TIMM50: variants seen among roughly 807,000 people sequenced by gnomAD.
The protein encoded by TIMM50 is mitochondrial import inner membrane translocase subunit TIM50.
Under a neutral mutation model 49.6 loss-of-function variants are expected in TIMM50, and 34 were observed. That is an observed-to-expected ratio of 0.69 (90% confidence interval 0.52 to 0.91). The LOEUF (loss-of-function observed/expected upper bound fraction) is 0.91, where lower values mean the gene tolerates loss of function less well. TIMM50 is among the 40% of genes least tolerant of loss of function. The pLI, the probability that TIMM50 is intolerant of heterozygous loss-of-function variation, is 0.00. For missense variants in TIMM50, 458 were observed against 477.8 expected (o/e 0.96, Z 0.39); for synonymous variants, 199 against 198.4 (o/e 1.00, Z -0.03).
At chr19:39,485,127 T>A (rs987615091) in intron 4 of TIMM50, 3 of 176,936 alleles carry the variant, frequency 1.7e-5, no homozygotes, top group Non-Finnish European at 2.4e-5. Flanking sequence ...CGGCTAATTT[T>A]TTTTTTTTTT....
intron 8 of TIMM50, 103 bp from the exon 9 acceptor site, chr19:39,487,958 A>T: frequency 6.8e-7 from 1 of 1,460,222 alleles, no homozygotes. Context: ...TGATCCCAGT[A>T]TGTGTGATGC....
intron 2 of TIMM50, 29 bp from the exon 3 acceptor site, chr19:39,482,856 C>T (rs778548867): frequency 6.2e-7 from 1 of 1,613,990 alleles, no homozygotes; most frequent in South Asian, 1.1e-5. Context: ...GGCCCTAATT[C>T]CTCATATTCA....
chr19:39,482,840 G>A, intron 2 of TIMM50, 45 bp from the exon 3 acceptor site: 1 of 1,613,568 alleles, frequency 6.2e-7, no homozygotes, highest in Non-Finnish European at 8.5e-7. Context: ...GGGACCCAGG[G>A]GACTGGGCCC....
rs1600746914 is a variant in TIMM50, at chr19:39,492,941, C to T, written c.*3121C>T. ...TATCTCCCTCGCCCTGCCTCCATCC[C>T]CACATTGCCCCCCACTATCCCAGTC... On this transcript the variant is annotated 3_prime_UTR_variant, in exon 11 of 11. Coordinates refer to ENST00000607714, the MANE Select transcript of TIMM50 (RefSeq NM_001001563.5). 2 of 151,404 alleles carry T rather than the reference C, an allele frequency of 1.3e-5. No individual in the cohort carries two copies. The highest frequency in any genetic ancestry group is 1.3e-4 in the Admixed American group (2 of 15,158). The allele number at this position is 151,404 out of a possible 1,614,324, so 9.4% of individuals were successfully genotyped here. A position where few individuals can be genotyped will look rare whatever the true frequency, so the allele number is the denominator to read the frequency against.
intron 9 of TIMM50, 78 bp downstream of exon 9, chr19:39,488,295 A>G (rs1037431408): frequency 2.0e-6 from 3 of 1,520,212 alleles, no homozygotes; most frequent in African/African-American, 2.8e-5. Context: ...TGCATGATTC[A>G]TGGCTGGGCG....
chr19:39,491,940 C>T lies in TIMM50; in HGVS notation c.*2120C>T, dbSNP rs2079548364. ...AACTATAGCTCACTGCAGTGTTGAA[C>T]TTCTGGGCTCAAACAATCTTCCTGC... On this transcript the variant is annotated 3_prime_UTR_variant, in exon 11 of 11. Transcript: ENST00000607714. 6.6e-6 allele frequency: 1 copy of T among 150,664 alleles called. No individual in the cohort carries two copies. The highest frequency in any genetic ancestry group is 1.5e-5 in the Non-Finnish European group (1 of 67,758). The allele number at this position is 150,664 out of a possible 1,614,324, so 9.3% of individuals were successfully genotyped here.
At chr19:39,486,114 T>C in intron 6 of TIMM50, 73 bp from the exon 7 acceptor site, 1 of 1,446,830 alleles carries the variant, frequency 6.9e-7, no homozygotes, top group Non-Finnish European at 9.7e-7. Context: ...TCCCCCAGGC[T>C]GGATCTTTGT....
rs1053287153 is a variant in TIMM50 at position 39,493,741 on chromosome 19, C to T, written c.*3921C>T. The T allele has an allele frequency of 6.6e-6, 1 of 152,172 alleles. No individual in the cohort carries two copies. Among genetic ancestry groups the T allele is most frequent in the Non-Finnish European group, 1.5e-5 (1 of 68,038 alleles). The allele number at this position is 152,172 out of a possible 1,614,324, so 9.4% of individuals were successfully genotyped here. On this transcript the variant is annotated 3_prime_UTR_variant, in exon 11 of 11. Transcript: ENST00000607714. ...TTCGCTGACTCTTTTCGGACTCAGC[C>T]CACCTGCACCCAGGTGAAATAAACA...
In TIMM50 at chr19:39,485,747, C is replaced by T; in HGVS notation, c.432C>T (p.Tyr144=). 2 of 1,614,138 alleles carry T rather than the reference C, an allele frequency of 1.2e-6. No homozygotes were observed. Among genetic ancestry groups the T allele is most frequent in the South Asian group, 2.2e-5 (2 of 91,080 alleles). ...CAGACCCTCTGCAGGAACCGTACTACCAGCCACCCTACACGCTCGTTTTGG... is the reference window on the plus strand; with the variant it reads ...CAGACCCTCTGCAGGAACCGTACTATCAGCCACCCTACACGCTCGTTTTGG... ...LLPDPLQEPY[Y]QPPYTLVLEL... is the part of the protein sequence containing the mutation. The change falls in exon 6 of 11, where the codon TAC becomes TAT. Residue 144 remains tyrosine (Y), a synonymous_variant. Transcript: ENST00000607714.
chr19:39,485,447 G>C lies in TIMM50; in HGVS notation c.314-97G>C. On this transcript the variant is annotated intron_variant, in intron 4 of 10. Transcript: ENST00000607714. The stretch of plus-strand genomic sequence containing the variant: ...TTGGTTCAAACCAGGCAGATATGCA[G>C]ACCTGTTTGTATCTGGTAGATAAGA... The C allele has an allele frequency of 2.7e-6, 4 of 1,456,038 alleles. No homozygotes were observed. In the Admixed American group the frequency reaches 6.8e-5, roughly 25 times the overall value. The allele number at this position is 1,456,038 out of a possible 1,614,324, so 90.2% of individuals were successfully genotyped here. A position where few individuals can be genotyped will look rare whatever the true frequency, so the allele number is the denominator to read the frequency against.
At chr19:39,481,579 C>T (rs1310573981) in intron 1 of TIMM50, among the ~76,000 whole-genome samples, 2 of 152,280 alleles carry the variant, frequency 1.3e-5, no homozygotes, top group East Asian at 3.9e-4. Flanking sequence ...GTGTTTAGGC[C>T]CTCCCATCCC....
chr19:39,482,074 C>T lies in TIMM50; in HGVS notation c.259+41C>T, dbSNP rs2079476376. ...CTGTCCCCCAGTTTTGTTCCTTGGCCTCCCTGGTCCACTGTGGAACCTCCC... is the reference window on the plus strand; with the variant it reads ...CTGTCCCCCAGTTTTGTTCCTTGGCTTCCCTGGTCCACTGTGGAACCTCCC... On this transcript the variant is annotated intron_variant, in intron 2 of 10. Transcript: ENST00000607714. 4 of 1,597,336 alleles carry T rather than the reference C, an allele frequency of 2.5e-6. No homozygotes were observed. The East Asian group carries it at 6.7e-5, about 27-fold the overall frequency.
chr19:39,488,341 C>CT, intron 9 of TIMM50, 124 bp downstream of exon 9: 1 of 1,223,576 alleles, frequency 8.2e-7, no homozygotes, highest in East Asian at 2.3e-5. Context: ...ACCTTGGAGT[C>CT]TTTAGGAGCT....
In TIMM50 at chr19:39,489,722, G is replaced by C; in HGVS notation, c.964G>C (p.Glu322Gln). 6.2e-7 allele frequency: 1 copy of C among 1,605,818 alleles called. No homozygotes were observed. The highest frequency in any genetic ancestry group is 8.5e-7 in the Non-Finnish European group (1 of 1,176,656). Reference protein sequence around the residue: ...KQRQSRLEQEEQQRLAELSKS... With the variant: ...KQRQSRLEQEQQQRLAELSKS... ...TCCAACTGTCCCCCTACCCCAGGAGGAGCAGCAGCGCCTGGCCGAGCTCTC... is the reference window on the plus strand; with the variant it reads ...TCCAACTGTCCCCCTACCCCAGGAGCAGCAGCAGCGCCTGGCCGAGCTCTC... Residue 322 changes from glutamate (E) to glutamine (Q), a missense_variant, in exon 11 of 11, where the codon GAG becomes CAG. By Grantham distance (29) the Glu-to-Gln change is conservative. Transcript: ENST00000607714.
At chr19:39,488,836 A>G (rs1289302131) in intron 10 of TIMM50, among the ~76,000 whole-genome samples, 191 bp downstream of exon 10, 2 of 152,198 alleles carry the variant, frequency 1.3e-5, no homozygotes, top group Non-Finnish European at 2.9e-5. Context: ...GAGGGGATGC[A>G]TTGATTCTGC....
Position 39,489,909 on chromosome 19 carries a change from C to A in TIMM50, c.*89C>A. 2 of 1,243,708 alleles carry A rather than the reference C, an allele frequency of 1.6e-6. No homozygotes were observed. The highest frequency in any genetic ancestry group is 2.3e-6 in the Non-Finnish European group (2 of 869,612). 77.0% of individuals were successfully genotyped at this position (1,243,708 alleles called of 1,614,324 possible). A position where few individuals can be genotyped will look rare whatever the true frequency, so the allele number is the denominator to read the frequency against. On this transcript the variant is annotated 3_prime_UTR_variant, in exon 11 of 11. Coordinates refer to ENST00000607714, the MANE Select transcript of TIMM50 (RefSeq NM_001001563.5). Reference sequence around the variant, plus strand: ...GGGCCACCACTTGTCCAATAAAGTACATCCCAGACGCCACACCTGCTGTGT... The same window carrying A: ...GGGCCACCACTTGTCCAATAAAGTAAATCCCAGACGCCACACCTGCTGTGT...
chr19:39,481,893 T>TCGGGAGCCG lies in TIMM50; in HGVS notation c.127_135dup (p.Arg43_Ser45dup). The TCGGGAGCCG allele has an allele frequency of 3.1e-6, 5 of 1,613,088 alleles. No individual in the cohort carries two copies. The highest frequency in any genetic ancestry group is 4.2e-6 in the Non-Finnish European group (5 of 1,179,724). ...CTTTCTCAACCGCAGGCCGCAGAGA[T>TCGGGAGCCG]CGGGAGCCGCGGGAGCACTAAGGCG... On this transcript the variant is annotated inframe_insertion, in exon 2 of 11. Coordinates refer to ENST00000607714, the MANE Select transcript of TIMM50 (RefSeq NM_001001563.5).
chr19:39,489,209 C>T (rs558379281), intron 10 of TIMM50, among the ~76,000 whole-genome samples: 2 of 151,684 alleles, frequency 1.3e-5, no homozygotes, highest in Non-Finnish European at 2.9e-5. Context: ...GGGAACCCCC[C>T]ACCCCTGCAT....
rs2079464847 is a variant in TIMM50 at position 39,480,844 on chromosome 19, T to C, written c.-10T>C. On this transcript the variant is annotated 5_prime_UTR_variant, in exon 1 of 11. Coordinates refer to ENST00000607714, the MANE Select transcript of TIMM50 (RefSeq NM_001001563.5). ...AGCGAGTGGGCGGGGCCGCGTGGCG[T>C]CAGCGCAAGATGGCGGCCTCGGCAG... is the stretch of plus-strand genomic sequence containing the variant. 1.3e-6 allele frequency: 2 copies of C among 1,594,776 alleles called. No homozygotes were observed. The highest frequency in any genetic ancestry group is 2.7e-5 in the African/African-American group (2 of 74,580).
Sources: gnomAD v4.1 joint callset for allele counts (sites outside exome capture counted in the v4.1 genomes callset) on GRCh38, gnomAD v4.1.1 for gene constraint, MANE v1.5 for transcripts, NCBI Gene and HGNC (gene_info 2026-07-23, HGNC 2026-07-21) for gene names.